Variants in TMEM131 observed in about 807,000 individuals in gnomAD.
The protein encoded by TMEM131 is 2610524E03Rik.
TMEM131 carries 66 observed loss-of-function variants against 211.6 expected under a neutral mutation model. The observed-to-expected ratio is 0.31, with a 90% CI of 0.26 to 0.38. The LOEUF (loss-of-function observed/expected upper bound fraction) is 0.38, where lower values mean the gene tolerates loss of function less well. Ranked by LOEUF, TMEM131 falls within the 10% of genes least tolerant of loss-of-function variation. The probability of loss-of-function intolerance (pLI) is 1.00; values close to 1 mark genes in which losing one functional copy is unlikely to be tolerated. For synonymous variants in TMEM131, 844 were observed against 841.3 expected, an observed-to-expected ratio of 1.00 and a Z score of -0.06; for missense variants, 2,036 against 2,299.3, an observed-to-expected ratio of 0.89 and a Z score of 2.34.
chr2:97,903,800 CAGCCTCCTGAGT>C (rs1189046380), intron 3 of TMEM131, among the ~76,000 whole-genome samples: 2 of 152,092 alleles, frequency 1.3e-5, no homozygotes, highest in African/African-American at 4.8e-5. Context: ...TCTCCTGTCA[CAGCCTCCTGAGT>C]AGCTGGGATT....
At chr2:97,853,477 G>A (rs917585832) in intron 5 of TMEM131, among the ~76,000 whole-genome samples, 18 of 151,570 alleles carry the variant, frequency 1.2e-4, no homozygotes, top group East Asian at 1.9e-4. Flanking sequence ...GTGGTGGGAC[G>A]GGCCTATAAT....
intron 1 of TMEM131, among the ~76,000 whole-genome samples, chr2:97,953,876 G>A (rs1349729500): frequency 1.3e-5 from 2 of 152,114 alleles, no homozygotes; most frequent in African/African-American, 4.8e-5. Flanking sequence ...CTAGAAATCA[G>A]TAACAGAAAC....
chr2:97,822,693 C>G (rs2105014021), intron 11 of TMEM131, among the ~76,000 whole-genome samples: 1 of 152,224 alleles, frequency 6.6e-6, no homozygotes, highest in South Asian at 2.1e-4. Flanking sequence ...AGGAGGAAAA[C>G]TAGTGTTTCT....
intron 3 of TMEM131, among the ~76,000 whole-genome samples, chr2:97,901,403 A>G (rs1922281): frequency 1.1e-3 from 172 of 151,944 alleles, no homozygotes; most frequent in African/African-American, 3.7e-3. Flanking sequence ...ATGGTGAGAG[A>G]TAAGAGTTGA....
chr2:97,925,279 T>C (rs1056648783), intron 2 of TMEM131, among the ~76,000 whole-genome samples: 1 of 152,206 alleles, frequency 6.6e-6, no homozygotes, highest in African/African-American at 2.4e-5. Context: ...TTATAATCTT[T>C]CAAAGGAACA....
rs770972066 is a variant in TMEM131 at position 97,801,882 on chromosome 2, T to G, written c.2718+13A>C. 1 of 1,568,580 alleles carries G rather than the reference T, an allele frequency of 6.4e-7. No individual in the cohort carries two copies. The highest frequency in any genetic ancestry group is 1.8e-5 in the Admixed American group (1 of 55,982). ...ATAATTTCTTTGGAATAGTATGAAG[T>G]TTGAATACTTACACTGTTTCTGAAG... On this transcript the variant is annotated intron_variant, in intron 25 of 40. Transcript: ENST00000186436.
At chr2:97,777,011 C>A (rs957734479) in intron 31 of TMEM131, among the ~76,000 whole-genome samples, 14 of 152,236 alleles carry the variant, frequency 9.2e-5, no homozygotes, top group African/African-American at 2.9e-4. Context: ...TTGGAAAAAT[C>A]TGGATGCTAT....
At chr2:97,926,198 T>C (rs1676985914) in intron 2 of TMEM131, among the ~76,000 whole-genome samples, 1 of 152,150 alleles carries the variant, frequency 6.6e-6, no homozygotes, top group Non-Finnish European at 1.5e-5. Context: ...TGGGCAAAAT[T>C]CACATTTTAA....
intron 11 of TMEM131, among the ~76,000 whole-genome samples, chr2:97,832,129 C>A (rs905570048): frequency 6.6e-6 from 1 of 151,466 alleles, no homozygotes; most frequent in African/African-American, 2.4e-5. Flanking sequence ...TAGTGCCTGA[C>A]CCAGTAAGAG....
chr2:97,941,809 C>A (rs1038946735), intron 1 of TMEM131, among the ~76,000 whole-genome samples: 1 of 152,020 alleles, frequency 6.6e-6, no homozygotes, highest in East Asian at 1.9e-4. Flanking sequence ...GGTGATTATT[C>A]AAAAGTCAGG....
intron 11 of TMEM131, among the ~76,000 whole-genome samples, chr2:97,821,761 C>G (rs1682132134): frequency 6.6e-6 from 1 of 152,236 alleles, no homozygotes; most frequent in South Asian, 2.1e-4. Context: ...GGACACCTGT[C>G]AGCCAGTTAA....
Position 97,805,414 on chromosome 2 carries a change from C to T in TMEM131, c.2246G>A (p.Gly749Glu). Residue 749 changes from glycine (G) to glutamate (E), a missense_variant, in exon 21 of 41, where the codon GGG becomes GAG. Coordinates refer to ENST00000186436, the MANE Select transcript of TMEM131 (RefSeq NM_015348.2). ...AGGCAAGCCAACATAGCAATGATCC[C>T]CACACTGTAGTCCAGGATCAAAATA... ...NIYFDPGLQC[G>E]DHCYVGLPFL... 1 of 1,613,910 alleles carries T rather than the reference C, an allele frequency of 6.2e-7. No homozygotes were observed. Among genetic ancestry groups the T allele is most frequent in the South Asian group, 1.1e-5 (1 of 91,078 alleles).
intron 1 of TMEM131, among the ~76,000 whole-genome samples, chr2:97,947,036 CA>C (rs1031193576): frequency 6.6e-6 from 1 of 151,754 alleles, no homozygotes; most frequent in African/African-American, 2.4e-5. Flanking sequence ...AAGATCTTGG[CA>C]AAATGGGCAC....
intron 4 of TMEM131, among the ~76,000 whole-genome samples, chr2:97,872,519 G>A (rs1288748959): frequency 1.3e-5 from 2 of 152,284 alleles, no homozygotes; most frequent in East Asian, 1.9e-4. Flanking sequence ...GGCTCCCAGC[G>A]AGATGGATGC....
intron 19 of TMEM131, among the ~76,000 whole-genome samples, chr2:97,808,487 T>C (rs966444936): frequency 6.6e-6 from 1 of 152,204 alleles, no homozygotes; most frequent in Non-Finnish European, 1.5e-5. Flanking sequence ...GCTCAAACTC[T>C]AAGCCATATT....
chr2:97,831,937 G>A (rs1573430621), intron 11 of TMEM131, among the ~76,000 whole-genome samples: 1 of 136,726 alleles, frequency 7.3e-6, no homozygotes, highest in African/African-American at 2.8e-5. Context: ...AAAGTGCTGG[G>A]ATTACAGGCG....
Position 97,807,518 on chromosome 2 carries a change from A to G in TMEM131, c.2056-1815T>C, listed in dbSNP as rs146136735. 4.5e-4 allele frequency among the ~76,000 whole-genome samples: 69 copies of G among 152,314 alleles called. 2 individuals carry two copies. In the East Asian group the frequency reaches 9.1e-3, roughly 20 times the overall value. On this transcript the variant is annotated intron_variant, in intron 19 of 40. Transcript: ENST00000186436. ...CTTCCAATATGAGTGGAAGCAGCCT[A>G]AGGCCCTCACCAATGCAGACACTGG...
intron 1 of TMEM131, among the ~76,000 whole-genome samples, chr2:97,963,832 T>C (rs554525117): frequency 1.3e-5 from 2 of 152,364 alleles, no homozygotes; most frequent in South Asian, 4.1e-4. Context: ...CAGATGTTTA[T>C]ACTACATCAC....
At chr2:97,870,951 G>A (rs62154558) in intron 4 of TMEM131, among the ~76,000 whole-genome samples, 10,913 of 152,222 alleles carry the variant, frequency 0.072, 464 homozygotes, top group Middle Eastern at 0.12. Context: ...TCCCTTTAGG[G>A]GGCCTATTTG....
Sources: allele counts gnomAD v4.1 joint callset (sites outside exome capture counted in the v4.1 genomes callset), GRCh38; gene constraint gnomAD v4.1.1; transcripts MANE v1.5; gene names NCBI Gene and HGNC (gene_info 2026-07-23, HGNC 2026-07-21).